Variants in MINDY4 observed in about 807,000 individuals in gnomAD.
The protein encoded by MINDY4 is probable ubiquitin carboxyl-terminal hydrolase MINDY-4.
MINDY4 carries 68 observed loss-of-function variants against 87.0 expected under a neutral mutation model. The ratio of observed to expected loss-of-function variants is 0.78; its 90% CI spans 0.64 to 0.96. The LOEUF is 0.96. Among genes scored for constraint, MINDY4 ranks in the 40% least tolerant of loss-of-function variants. MINDY4 has a pLI of 0.00. For synonymous variants in MINDY4, 379 were observed against 363.2 expected (o/e 1.04, Z -0.50); for missense variants, 919 against 928.2 (o/e 0.99, Z 0.13).
intron 2 of MINDY4, 65 bp downstream of exon 2, chr7:30,778,616 T>C (rs2128165289): frequency 6.3e-7 from 1 of 1,592,610 alleles, no homozygotes; most frequent in South Asian, 1.1e-5. Flanking sequence ...AAAGCACTCA[T>C]GGGCCCTGCC....
intron 5 of MINDY4, among the ~76,000 whole-genome samples, chr7:30,818,292 A>C (rs1788225700): frequency 6.6e-6 from 1 of 152,162 alleles, no homozygotes; most frequent in African/African-American, 2.4e-5. Flanking sequence ...TCTCAAACTC[A>C]TGGCTGATAC....
chr7:30,786,339 G>A, intron 4 of MINDY4: 1 of 230,534 alleles, frequency 4.3e-6, no homozygotes, highest in Non-Finnish European at 8.5e-6. Context: ...TAGGCTGAGT[G>A]TGGTGGCTTA....
At chr7:30,793,420 C>CTT (rs59690003) in intron 5 of MINDY4, among the ~76,000 whole-genome samples, 134 of 140,938 alleles carry the variant, frequency 9.5e-4, no homozygotes, top group African/African-American at 2.6e-3. Context: ...CTTTGGTTTG[C>CTT]TTTTTTTTTT....
intron 13 of MINDY4, among the ~76,000 whole-genome samples, chr7:30,868,891 C>T (rs62449126): frequency 0.054 from 8,181 of 152,258 alleles, 350 homozygotes; most frequent in Middle Eastern, 0.075. Flanking sequence ...TCTGACCCTT[C>T]GCTGCCAGAA....
chr7:30,778,566 A>G lies in MINDY4; in HGVS notation c.183+15A>G. The stretch of plus-strand genomic sequence containing the variant: ...AGGAGAACAAGGTATGTGCTTTCTA[A>G]GGTGTGGTGTGGAGTCTTGGAACTG... On this transcript the variant is annotated intron_variant, in intron 2 of 17. Coordinates refer to ENST00000265299, the MANE Select transcript of MINDY4 (RefSeq NM_032222.3). 1 of 1,614,034 alleles carries G rather than the reference A, an allele frequency of 6.2e-7. No homozygotes were observed. The highest frequency in any genetic ancestry group is 8.5e-7 in the Non-Finnish European group (1 of 1,179,902).
rs868446099 is a variant in MINDY4 at position 30,778,532 on chromosome 7, T to A, written c.164T>A (p.Phe55Tyr). The change falls in exon 2 of 18, where the codon TTT becomes TAT. Residue 55 changes from phenylalanine (F) to tyrosine (Y), a missense_variant. Physicochemically the swap from Phe to Tyr is conservative, Grantham distance 22. Transcript: ENST00000265299. ...CTTCGAAAGGTTTTGCATCTTGAATTTCTCTATAAGGAGAACAAGGTATGT... is the reference window on the plus strand; with the variant it reads ...CTTCGAAAGGTTTTGCATCTTGAATATCTCTATAAGGAGAACAAGGTATGT... The part of the protein sequence containing the change: ...NDLRKVLHLE[F>Y]LYKENKAKEN... 1.9e-6 allele frequency: 3 copies of A among 1,614,254 alleles called. No homozygotes were observed. Among genetic ancestry groups the A allele is most frequent in the Middle Eastern group, 3.3e-4 (2 of 6,062 alleles).
intron 8 of MINDY4, among the ~76,000 whole-genome samples, chr7:30,840,073 G>A (rs1463913124): frequency 6.6e-6 from 1 of 152,084 alleles, no homozygotes; most frequent in African/African-American, 2.4e-5. Flanking sequence ...GTCTTCATGA[G>A]CACCCCAACC....
intron 5 of MINDY4, 85 bp from the exon 6 acceptor site, chr7:30,828,594 C>T: frequency 1.5e-6 from 2 of 1,368,640 alleles, no homozygotes; most frequent in Non-Finnish European, 2.1e-6. Flanking sequence ...TCCTGAATGC[C>T]TATCCATCGC....
At chr7:30,771,896 C>A (rs543474154) in intron 1 of MINDY4, among the ~76,000 whole-genome samples, 1 of 152,338 alleles carries the variant, frequency 6.6e-6, no homozygotes, top group East Asian at 1.9e-4. Flanking sequence ...GGCAGGCCTG[C>A]GCCCTAGCCT....
At chr7:30,776,478 C>T (rs1254835085) in intron 1 of MINDY4, among the ~76,000 whole-genome samples, 1 of 152,200 alleles carries the variant, frequency 6.6e-6, no homozygotes, top group East Asian at 1.9e-4. Context: ...TCTCTGTCTC[C>T]TTATCCTACT....
At chr7:30,868,060 C>G (rs907195494) in intron 13 of MINDY4, among the ~76,000 whole-genome samples, 2 of 152,202 alleles carry the variant, frequency 1.3e-5, no homozygotes, top group Non-Finnish European at 2.9e-5. Context: ...AGGCTGGGAC[C>G]TGGTCTCTAG....
Position 30,828,708 on chromosome 7 carries a change from T to C in MINDY4, c.1103T>C (p.Val368Ala), listed in dbSNP as rs1448178649. 6.2e-7 allele frequency: 1 copy of C among 1,613,746 alleles called. No individual in the cohort carries two copies. The highest frequency in any genetic ancestry group is 8.5e-7 in the Non-Finnish European group (1 of 1,180,030). Reference protein sequence around the residue: ...RKNQLLPSDKVDGELGALRLE... With the variant: ...RKNQLLPSDKADGELGALRLE... Reference sequence around the variant, plus strand: ...AATCAGTTGCTGCCGTCTGACAAGGTGGATGGTGAGCTGGGTGCCCTGCGG... The same window carrying C: ...AATCAGTTGCTGCCGTCTGACAAGGCGGATGGTGAGCTGGGTGCCCTGCGG... The change falls in exon 6 of 18, where the codon GTG becomes GCG. Residue 368 changes from valine (V) to alanine (A), a missense_variant. Transcript: ENST00000265299.
At chr7:30,850,626 A>G in intron 10 of MINDY4, 71 bp downstream of exon 10, 1 of 1,378,930 alleles carries the variant, frequency 7.3e-7, no homozygotes, top group Non-Finnish European at 1.0e-6. Flanking sequence ...CTGGCTGTGT[A>G]TGCTCCTATC....
intron 5 of MINDY4, among the ~76,000 whole-genome samples, chr7:30,808,782 C>G (rs1008353903): frequency 1.3e-5 from 2 of 152,112 alleles, no homozygotes; most frequent in African/African-American, 4.8e-5. Context: ...TACATAGACA[C>G]TTGGTTACAG....
chr7:30,792,045 G>A (rs982533809), intron 5 of MINDY4, among the ~76,000 whole-genome samples: 1 of 152,332 alleles, frequency 6.6e-6, no homozygotes, highest in East Asian at 1.9e-4. Flanking sequence ...CCAGGCAGAC[G>A]TGGCTAAGAG....
intron 5 of MINDY4, among the ~76,000 whole-genome samples, chr7:30,811,379 A>T (rs1361847634): frequency 6.6e-6 from 1 of 152,240 alleles, no homozygotes; most frequent in African/African-American, 2.4e-5. Context: ...AAAAAGCTTC[A>T]TCGCTACCTT....
At chr7:30,773,855 A>G (rs1195530023) in intron 1 of MINDY4, among the ~76,000 whole-genome samples, 2 of 152,130 alleles carry the variant, frequency 1.3e-5, no homozygotes, top group Non-Finnish European at 1.5e-5. Flanking sequence ...AACTTTTCAC[A>G]GTCCCTCGGG....
At chr7:30,859,768 G>C (rs755164658) in intron 13 of MINDY4, among the ~76,000 whole-genome samples, 81 of 152,310 alleles carry the variant, frequency 5.3e-4, no homozygotes, top group Non-Finnish European at 1.1e-3. Flanking sequence ...TGGCATCCTG[G>C]GTGGTGAATG....
At chr7:30,829,863 G>A (rs1788642883) in intron 6 of MINDY4, among the ~76,000 whole-genome samples, 1 of 152,210 alleles carries the variant, frequency 6.6e-6, no homozygotes, top group Admixed American at 6.5e-5. Flanking sequence ...AGAACCCAGA[G>A]AACTTCTACT....
Sources: allele counts gnomAD v4.1 joint callset (sites outside exome capture counted in the v4.1 genomes callset), GRCh38; gene constraint gnomAD v4.1.1; transcripts MANE v1.5; gene names NCBI Gene and HGNC (gene_info 2026-07-23, HGNC 2026-07-21).